The following DDX31 variants were observed in gnomAD, a reference collection of about 807,000 sequenced individuals.
The protein encoded by DDX31 is ATP-dependent DNA helicase DDX31.
A neutral mutation model predicts 91.3 loss-of-function variants in DDX31; 70 were observed. The observed-to-expected ratio is 0.77, with a 90% CI of 0.63 to 0.94. The LOEUF is 0.94. DDX31 is among the 40% of genes least tolerant of loss of function. DDX31 has a pLI of 0.00. For synonymous variants in DDX31, 362 were observed against 350.6 expected (o/e 1.03, Z -0.36); for missense variants, 902 against 925.0 (o/e 0.98, Z 0.32).
At chr9:132,658,446 C>T (rs11243866) in intron 6 of DDX31, 69,472 of 691,698 alleles carry the variant, frequency 0.1, 4,115 homozygotes, top group Admixed American at 0.2. Context: ...GAGCATCTTA[C>T]AAAGCTTCCC....
chr9:132,664,513 A>T lies in DDX31; in HGVS notation c.76-1818T>A, dbSNP rs368031650. ...TGCTTGAGGCCAGGAGTTCGAGACCAGCCTGGGCAATATGGTGAAACCCTG... is the reference window on the plus strand; with the variant it reads ...TGCTTGAGGCCAGGAGTTCGAGACCTGCCTGGGCAATATGGTGAAACCCTG... On this transcript the variant is annotated intron_variant, in intron 1 of 19. Coordinates refer to ENST00000372159, the MANE Select transcript of DDX31 (RefSeq NM_022779.9). Among the ~76,000 whole-genome samples the T allele has an allele frequency of 2.0e-4, 30 of 152,206 alleles. No homozygotes were observed. In the East Asian group the frequency reaches 5.2e-3, roughly 27 times the overall value.
intron 1 of DDX31, chr9:132,663,169 C>G: frequency 7.8e-7 from 1 of 1,285,876 alleles, no homozygotes; most frequent in Non-Finnish European, 1.0e-6. Flanking sequence ...GAGAGAGGGG[C>G]GAGGGGGAAT....
chr9:132,665,478 G>A (rs1835247650), intron 1 of DDX31, among the ~76,000 whole-genome samples: 1 of 152,168 alleles, frequency 6.6e-6, no homozygotes, highest in South Asian at 2.1e-4. Context: ...ACCAACAAAA[G>A]CTAGACTAAC....
At chr9:132,637,991 C>T in intron 14 of DDX31, 1 of 1,052,614 alleles carries the variant, frequency 9.5e-7, no homozygotes, top group Non-Finnish European at 1.1e-6. Context: ...TTAAGAACTG[C>T]ACAGACAGAA....
chr9:132,636,958 G>C (rs1590046910), intron 14 of DDX31, among the ~76,000 whole-genome samples: 1 of 152,278 alleles, frequency 6.6e-6, no homozygotes, highest in East Asian at 1.9e-4. Context: ...TACGTCATGA[G>C]GTTGTTGCTA....
At chr9:132,651,158 C>CTT in intron 7 of DDX31, 42 bp from the exon 8 acceptor site, 3 of 1,518,094 alleles carry the variant, frequency 2.0e-6, no homozygotes, top group Admixed American at 2.1e-5. Flanking sequence ...ACAGGATCCC[C>CTT]CTTTTTTTTT....
chr9:132,653,287 A>G (rs1178805332), intron 6 of DDX31, among the ~76,000 whole-genome samples: 1 of 151,876 alleles, frequency 6.6e-6, no homozygotes, highest in African/African-American at 2.4e-5. Context: ...TGAGGTCAGG[A>G]GTTTGAGACC....
At chr9:132,654,338 C>T (rs528867653) in intron 6 of DDX31, among the ~76,000 whole-genome samples, 25 of 152,156 alleles carry the variant, frequency 1.6e-4, no homozygotes, top group Non-Finnish European at 2.8e-4. Flanking sequence ...TGGCCAGGCA[C>T]GGTGGCTCAC....
chr9:132,646,909 G>A lies in DDX31; in HGVS notation c.1117C>T (p.Pro373Ser). 6.2e-7 allele frequency: 1 copy of A among 1,614,198 alleles called. No homozygotes were observed. Among genetic ancestry groups the A allele is most frequent in the Non-Finnish European group, 8.5e-7 (1 of 1,180,040 alleles). The change falls in exon 12 of 20, where the codon CCA (proline) becomes TCA (serine). Residue 373 changes from proline to serine, a missense_variant. Coordinates refer to ENST00000372159, the MANE Select transcript of DDX31 (RefSeq NM_022779.9). The stretch of plus-strand genomic sequence containing the variant: ...GTCACATGCTGCTTGAGACTCTCTG[G>A]TATTGCAAAGCTGTCCAGCTTGTCG... ...AGDKLDSFAIPESLKQHVTVV... is the reference protein window; with the variant it reads ...AGDKLDSFAISESLKQHVTVV...
chr9:132,647,052 G>A lies in DDX31; in HGVS notation c.974C>T (p.Thr325Met), dbSNP rs745919251. ...ATGCAAACTGATATCAGCTAGCCGC[G>A]TTACACCTTGGATAAAAGTAAGAAG... ...LLSATLTEGVTRLADISLHDP... is the reference protein window; with the variant it reads ...LLSATLTEGVMRLADISLHDP... Residue 325 changes from threonine to methionine, a missense_variant, in exon 12 of 20, where the codon ACG becomes ATG. By Grantham distance (81) the Thr-to-Met change is moderately conservative. Transcript: ENST00000372159. The A allele has an allele frequency of 5.0e-6, 8 of 1,606,352 alleles. No homozygotes were observed. Among genetic ancestry groups the A allele is most frequent in the African/African-American group, 1.4e-5 (1 of 73,256 alleles).
chr9:132,607,842 T>C (rs976425682), intron 19 of DDX31, among the ~76,000 whole-genome samples: 1 of 152,148 alleles, frequency 6.6e-6, no homozygotes, highest in African/African-American at 2.4e-5. Context: ...CACTAAGAAC[T>C]TAAGGCACAT....
chr9:132,654,263 G>A (rs1834407454), intron 6 of DDX31, among the ~76,000 whole-genome samples: 1 of 152,076 alleles, frequency 6.6e-6, no homozygotes, highest in Non-Finnish European at 1.5e-5. Flanking sequence ...GAGAGAAAGA[G>A]CTAATTTCCT....
At chr9:132,632,843 T>C (rs570119174) in intron 14 of DDX31, among the ~76,000 whole-genome samples, 2 of 152,354 alleles carry the variant, frequency 1.3e-5, no homozygotes, top group East Asian at 3.9e-4. Flanking sequence ...ATTTTATGTA[T>C]CTTTTCAACT....
At chr9:132,669,124 G>C (rs1176798550) in intron 1 of DDX31, among the ~76,000 whole-genome samples, 1 of 152,136 alleles carries the variant, frequency 6.6e-6, no homozygotes, top group Non-Finnish European at 1.5e-5. Flanking sequence ...AGAGACAACA[G>C]ACAAGTGTTT....
At chr9:132,619,926 T>C (rs1364054774) in intron 17 of DDX31, among the ~76,000 whole-genome samples, 1 of 151,934 alleles carries the variant, frequency 6.6e-6, no homozygotes, top group Non-Finnish European at 1.5e-5. Context: ...GAGGATGCCC[T>C]TTCCCCTGGC....
chr9:132,658,747 A>G lies in DDX31; in HGVS notation c.524-12T>C. The G allele has an allele frequency of 6.2e-6, 10 of 1,612,728 alleles. No individual in the cohort carries two copies. Among genetic ancestry groups the G allele is most frequent in the Non-Finnish European group, 8.5e-6 (10 of 1,179,496 alleles). On this transcript the variant is annotated splice_polypyrimidine_tract_variant and intron_variant, in intron 5 of 19. Transcript: ENST00000372159. ...GGCAAGAGTTTTACCTTTCAAAAAA[A>G]AAGCAGAAGCAATTAAAATCACACA...
intron 17 of DDX31, among the ~76,000 whole-genome samples, chr9:132,623,333 G>A (rs558431636): frequency 5.3e-5 from 8 of 151,538 alleles, no homozygotes; most frequent in Admixed American, 2.6e-4. Context: ...TGAGGCGGGC[G>A]GATCACAAAG....
chr9:132,618,850 G>A lies in DDX31; in HGVS notation c.1714-409C>T, dbSNP rs377154035. On this transcript the variant is annotated intron_variant, in intron 17 of 19. Transcript: ENST00000372159. Reference sequence around the variant, plus strand: ...CCCTCACGCGCATCAGTGGAACACCGACAATTTCTCTTCATGAGCACTCCA... The same window carrying A: ...CCCTCACGCGCATCAGTGGAACACCAACAATTTCTCTTCATGAGCACTCCA... Among the ~76,000 whole-genome samples the A allele has an allele frequency of 7.2e-5, 11 of 152,290 alleles. 1 individual carries two copies. The highest frequency in any genetic ancestry group is 2.4e-4 in the African/African-American group (10 of 41,542).
At chr9:132,644,686 G>T (rs1455033514) in intron 13 of DDX31, among the ~76,000 whole-genome samples, 2 of 152,170 alleles carry the variant, frequency 1.3e-5, no homozygotes, top group Non-Finnish European at 2.9e-5. Flanking sequence ...CGCTTGGATC[G>T]ACGCCGCAGA....
Sources: gnomAD v4.1 joint callset for allele counts (sites outside exome capture counted in the v4.1 genomes callset) on GRCh38, gnomAD v4.1.1 for gene constraint, MANE v1.5 for transcripts, NCBI Gene and HGNC (gene_info 2026-07-23, HGNC 2026-07-21) for gene names.